Variants in PRH1 observed in about 807,000 individuals in gnomAD.
PRH1 encodes the protein proline rich protein HaeIII subfamily 1.
Under a neutral mutation model 7.9 loss-of-function variants are expected in PRH1, and 7 were observed. The observed-to-expected ratio is 0.89, with a 90% CI of 0.50 to 1.67. The LOEUF (loss-of-function observed/expected upper bound fraction) is 1.67. Ranked by LOEUF, PRH1 falls within the 40% of genes most tolerant of loss-of-function variation. The pLI, the probability that PRH1 is intolerant of heterozygous loss-of-function variation, is 0.00. For missense variants in PRH1, 109 were observed against 223.6 expected, an observed-to-expected ratio of 0.49 and a Z score of 3.27; for synonymous variants, 45 against 80.8, an observed-to-expected ratio of 0.56 and a Z score of 2.38.
chr12:11,066,216 GAACTATAAC>G (rs369427309), intron 1 of PRH1, among the ~76,000 whole-genome samples: 1,417 of 151,760 alleles, frequency 9.3e-3, no homozygotes, highest in South Asian at 0.023. Context: ...TTTGTTTATA[GAACTATAAC>G]TTTCGAACTC....
chr12:11,137,473 C>T (rs562986546), intron 1 of PRH1, among the ~76,000 whole-genome samples: 1 of 152,288 alleles, frequency 6.6e-6, no homozygotes, highest in African/African-American at 2.4e-5. Flanking sequence ...TGAGGTCTTA[C>T]CTCTGTTTGA....
Position 11,103,350 on chromosome 12 carries a change from T to C in PRH1, n.124-56162A>G, listed in dbSNP as rs888435131. The stretch of plus-strand genomic sequence containing the variant: ...GTGGCACATATACACCATGGAATAC[T>C]ATGCAGCCATAAAAAATGATGAGTT... On this transcript the variant is annotated intron_variant and non_coding_transcript_variant, in intron 1 of 4. Coordinates refer to the PRH1 transcript ENST00000541977. Among the ~76,000 whole-genome samples, 9 of 152,260 alleles carry C rather than the reference T, an allele frequency of 5.9e-5. No individual in the cohort carries two copies. The East Asian group carries it at 1.7e-3, about 29-fold the overall frequency.
At chr12:11,114,760 AG>A (rs1384543659) in intron 1 of PRH1, among the ~76,000 whole-genome samples, 3 of 152,166 alleles carry the variant, frequency 2.0e-5, no homozygotes, top group Non-Finnish European at 4.4e-5. Flanking sequence ...TAAGGTGCAG[AG>A]TCTTCATTTG....
At chr12:10,929,331 G>A in intron 2 of PRH1, 2 of 1,614,146 alleles carry the variant, frequency 1.2e-6, no homozygotes, top group East Asian at 2.2e-5. Flanking sequence ...TCAGGACTTA[G>A]ATGAAGGTAA....
At chr12:10,906,065 CACTT>C (rs978876228) in intron 2 of PRH1, among the ~76,000 whole-genome samples, 57 of 152,278 alleles carry the variant, frequency 3.7e-4, no homozygotes, top group African/African-American at 1.3e-3. Flanking sequence ...CTACTCCTCT[CACTT>C]ACCTAACTTT....
At chr12:11,031,414 C>G in intron 1 of PRH1, 2 of 1,519,986 alleles carry the variant, frequency 1.3e-6, no homozygotes, top group Non-Finnish European at 1.8e-6. Context: ...TTCGTGGTCT[C>G]CCTGACTTCA....
At chr12:10,972,932 A>G (rs79703687) in intron 2 of PRH1, among the ~76,000 whole-genome samples, 4 of 79,070 alleles carry the variant, frequency 5.1e-5, no homozygotes, top group South Asian at 1.0e-3. Context: ...ACCACAACCC[A>G]CCCCCCCCGC....
intron 2 of PRH1, among the ~76,000 whole-genome samples, chr12:10,919,474 T>G (rs1401941871): frequency 2.0e-5 from 3 of 152,186 alleles, no homozygotes; most frequent in African/African-American, 7.2e-5. Flanking sequence ...ATCAGTCTTT[T>G]CCTTAATGAC....
upstream of PRH1, among the ~76,000 whole-genome samples, chr12:10,884,913 C>A (rs1289934684): frequency 6.6e-6 from 1 of 152,172 alleles, no homozygotes; most frequent in Non-Finnish European, 1.5e-5. Context: ...TGCTATACAA[C>A]ACAGGCAAGC....
intron 2 of PRH1, among the ~76,000 whole-genome samples, chr12:10,949,908 T>G (rs1200733360): frequency 6.6e-6 from 1 of 152,182 alleles, no homozygotes; most frequent in Non-Finnish European, 1.5e-5. Context: ...GTTTTAGAGT[T>G]TTGCCACCAA....
At chr12:10,943,183 G>C (rs1483741927) in intron 2 of PRH1, among the ~76,000 whole-genome samples, 1 of 152,148 alleles carries the variant, frequency 6.6e-6, no homozygotes, top group Non-Finnish European at 1.5e-5. Flanking sequence ...AAGCTCCTCT[G>C]TCTTTCCAAG....
intron 1 of PRH1, among the ~76,000 whole-genome samples, chr12:10,990,695 GAAT>G (rs1939892707): frequency 6.6e-6 from 1 of 152,184 alleles, no homozygotes; most frequent in South Asian, 2.1e-4. Flanking sequence ...GAACTAGAAA[GAAT>G]AATTAGGAGT....
chr12:10,956,724 A>G (rs1377296484), intron 2 of PRH1, among the ~76,000 whole-genome samples: 1 of 152,204 alleles, frequency 6.6e-6, no homozygotes, highest in East Asian at 1.9e-4. Context: ...GCAAATTCCC[A>G]GGATACAAAA....
downstream of PRH1, among the ~76,000 whole-genome samples, chr12:11,117,569 A>C (rs1945767475): frequency 6.6e-6 from 1 of 152,172 alleles, no homozygotes; most frequent in Non-Finnish European, 1.5e-5. Context: ...AACAATCCTA[A>C]AATTTATATA....
chr12:11,017,021 T>C (rs1451161622), intron 1 of PRH1, among the ~76,000 whole-genome samples: 3 of 139,092 alleles, frequency 2.2e-5, no homozygotes, highest in East Asian at 2.2e-4. Flanking sequence ...TGAATGCAGA[T>C]TTCCATAAAT....
At chr12:11,078,504 T>G (rs1293856092) in intron 1 of PRH1, 1 of 151,384 alleles carries the variant, frequency 6.6e-6, no homozygotes, top group Admixed American at 6.8e-5. Context: ...TATCTGTCCC[T>G]GCTACATGCT....
At chr12:11,035,204 ATATACTT>A (rs1337792094) in intron 1 of PRH1, among the ~76,000 whole-genome samples, 36 of 152,086 alleles carry the variant, frequency 2.4e-4, no homozygotes, top group African/African-American at 8.7e-4. Flanking sequence ...ATATGAACTG[ATATACTT>A]TATCACTTTT....
In PRH1 at chr12:10,953,540, TACTC is replaced by T. The variant is rs1260922342; in HGVS notation, c.-59+20111_-59+20114del. Among the ~76,000 whole-genome samples, 4 of 152,174 alleles carry T rather than the reference TACTC, an allele frequency of 2.6e-5. No homozygotes were observed. The South Asian group carries it at 8.3e-4, about 32-fold the overall frequency. ...GAGCTCAAGAGTAGTCCTCTGAAAT[TACTC>T]AGTCAGGCAAAAATAAAGAAAAATA... is the stretch of plus-strand genomic sequence containing the variant. On this transcript the variant is annotated intron_variant, in intron 2 of 3. Transcript: ENST00000539853.
chr12:10,896,269 G>A (rs1206821495), intron 2 of PRH1, among the ~76,000 whole-genome samples: 1 of 152,112 alleles, frequency 6.6e-6, no homozygotes, highest in African/African-American at 2.4e-5. Context: ...TTTGTATGAT[G>A]TATCCCTTTG....
Sources: allele counts gnomAD v4.1 joint callset (sites outside exome capture counted in the v4.1 genomes callset), GRCh38; gene constraint gnomAD v4.1.1; transcripts MANE v1.5; gene names NCBI Gene and HGNC (gene_info 2026-07-23, HGNC 2026-07-21).